The following BMPR1B variants were observed in gnomAD, a reference collection of about 807,000 sequenced individuals.
BMPR1B encodes the protein bone morphogenetic protein receptor type 1B.
In BMPR1B, 12 loss-of-function variants were observed where a neutral mutation model predicts 59.1. That is an observed-to-expected ratio of 0.20 (90% CI 0.13 to 0.33). The LOEUF (loss-of-function observed/expected upper bound fraction) is 0.33. BMPR1B is among the 10% of genes least tolerant of loss of function. The pLI is 1.00. For synonymous variants in BMPR1B, 237 were observed against 207.3 expected (o/e 1.14, Z -1.23); for missense variants, 550 against 610.9 (o/e 0.90, Z 1.05).
intron 3 of BMPR1B, among the ~76,000 whole-genome samples, chr4:95,085,772 G>T (rs1212035283): frequency 6.6e-6 from 1 of 152,144 alleles, no homozygotes; most frequent in Admixed American, 6.5e-5. Flanking sequence ...AGCTTTTTCT[G>T]GGGCATGAGC....
At chr4:94,855,295 T>G (rs1725713074) in intron 1 of BMPR1B, among the ~76,000 whole-genome samples, 1 of 152,244 alleles carries the variant, frequency 6.6e-6, no homozygotes, top group South Asian at 2.1e-4. Flanking sequence ...GCATTATTAA[T>G]ATCTTCATTT....
intron 2 of BMPR1B, among the ~76,000 whole-genome samples, chr4:94,901,597 G>T (rs949293619): frequency 6.6e-6 from 1 of 151,964 alleles, no homozygotes; most frequent in Non-Finnish European, 1.5e-5. Flanking sequence ...GACTTAATCA[G>T]TTCAAAAGCT....
At chr4:94,759,715 C>T (rs1721683680) in intron 1 of BMPR1B, among the ~76,000 whole-genome samples, 1 of 152,146 alleles carries the variant, frequency 6.6e-6, no homozygotes, top group Non-Finnish European at 1.5e-5. Flanking sequence ...ATGAGACATG[C>T]CGGTGATCAA....
rs115256625 is a variant in BMPR1B at position 95,080,396 on chromosome 4, C to T, written c.-17-24012C>T. On this transcript the variant is annotated intron_variant, in intron 3 of 12. Transcript: ENST00000515059. ...GGATTACAGGTGTCCACAACCATGT[C>T]GGCTAATTTTTGTATTTTTAGTGGA... 4.9e-3 allele frequency among the ~76,000 whole-genome samples: 741 copies of T among 152,116 alleles called. 7 individuals are homozygous for T. The highest frequency in any genetic ancestry group is 0.017 in the African/African-American group (696 of 41,496).
chr4:94,787,641 G>A (rs1186828698), intron 1 of BMPR1B, among the ~76,000 whole-genome samples: 2 of 152,110 alleles, frequency 1.3e-5, no homozygotes, highest in South Asian at 4.1e-4. Context: ...GTTTAACCAC[G>A]TCTTTGGTTC....
chr4:94,933,017 C>T (rs761881321), intron 2 of BMPR1B, among the ~76,000 whole-genome samples: 27 of 151,992 alleles, frequency 1.8e-4, no homozygotes, highest in Non-Finnish European at 3.4e-4. Flanking sequence ...TGTTTTGTTC[C>T]ACTACCCAAA....
intron 4 of BMPR1B, among the ~76,000 whole-genome samples, chr4:95,113,446 G>A (rs1283670121): frequency 2.6e-5 from 4 of 152,190 alleles, no homozygotes; most frequent in African/African-American, 4.8e-5. Flanking sequence ...ATAGCAGCAT[G>A]CTGCTACCAC....
intron 3 of BMPR1B, among the ~76,000 whole-genome samples, chr4:95,034,641 T>TTATA (rs140594794): frequency 0.01 from 1,505 of 149,626 alleles, 16 homozygotes; most frequent in Middle Eastern, 0.014. Context: ...TATTCCATGT[T>TTATA]TATATATATA....
intron 2 of BMPR1B, among the ~76,000 whole-genome samples, chr4:94,907,136 A>G (rs1255841877): frequency 1.3e-5 from 2 of 152,052 alleles, no homozygotes; most frequent in East Asian, 1.9e-4. Flanking sequence ...GCTTTATCCT[A>G]GATGTGTTAC....
chr4:94,890,595 G>A (rs1727351830), intron 2 of BMPR1B, among the ~76,000 whole-genome samples: 1 of 152,060 alleles, frequency 6.6e-6, no homozygotes, highest in South Asian at 2.1e-4. Context: ...TAGAGTGGGT[G>A]GCTTAAACAA....
chr4:94,905,374 G>A (rs889925460), intron 2 of BMPR1B, among the ~76,000 whole-genome samples: 2 of 152,084 alleles, frequency 1.3e-5, no homozygotes, highest in African/African-American at 4.8e-5. Flanking sequence ...GATTACTAAT[G>A]CAAACAGTAA....
chr4:94,904,483 G>A (rs1196426430), intron 2 of BMPR1B, among the ~76,000 whole-genome samples: 1 of 151,896 alleles, frequency 6.6e-6, no homozygotes, highest in Non-Finnish European at 1.5e-5. Flanking sequence ...TTAAGTTATT[G>A]GTGAATATTA....
intron 3 of BMPR1B, among the ~76,000 whole-genome samples, chr4:95,086,166 T>A (rs1729559820): frequency 6.6e-6 from 1 of 152,220 alleles, no homozygotes; most frequent in Admixed American, 6.5e-5. Flanking sequence ...GGTGGAAAGA[T>A]TTTTCTAATC....
At chr4:94,766,223 T>C (rs1230625530) in intron 1 of BMPR1B, among the ~76,000 whole-genome samples, 1 of 152,168 alleles carries the variant, frequency 6.6e-6, no homozygotes, top group Non-Finnish European at 1.5e-5. Context: ...ATGGGACTTG[T>C]ATTTTTCCCT....
chr4:95,064,872 A>C (rs1404200644), intron 3 of BMPR1B, among the ~76,000 whole-genome samples: 1 of 152,106 alleles, frequency 6.6e-6, no homozygotes, highest in African/African-American at 2.4e-5. Flanking sequence ...AGATATAATA[A>C]AAAATGATCC....
At chr4:95,140,875 A>AGGAG (rs1734186992) in intron 10 of BMPR1B, among the ~76,000 whole-genome samples, 1 of 152,184 alleles carries the variant, frequency 6.6e-6, no homozygotes, top group Non-Finnish European at 1.5e-5. Context: ...ATATTATAGA[A>AGGAG]ACTTAGTTCT....
chr4:94,948,202 G>T (rs976974884), intron 2 of BMPR1B, among the ~76,000 whole-genome samples: 10 of 152,128 alleles, frequency 6.6e-5, no homozygotes, highest in African/African-American at 2.4e-4. Context: ...TCTAACTTTA[G>T]TTGTGTGCTT....
At chr4:94,804,017 T>C (rs959202287) in intron 1 of BMPR1B, among the ~76,000 whole-genome samples, 1 of 152,110 alleles carries the variant, frequency 6.6e-6, no homozygotes, top group African/African-American at 2.4e-5. Context: ...TAGCTGGGAC[T>C]ACAGGCACCC....
chr4:94,845,869 A>G (rs1296489716), intron 1 of BMPR1B, among the ~76,000 whole-genome samples: 3 of 152,172 alleles, frequency 2.0e-5, no homozygotes, highest in Non-Finnish European at 4.4e-5. Flanking sequence ...TTATTTTGGC[A>G]TAATAGAGAA....
Sources: allele counts gnomAD v4.1 joint callset (sites outside exome capture counted in the v4.1 genomes callset), GRCh38; gene constraint gnomAD v4.1.1; transcripts MANE v1.5; gene names NCBI Gene and HGNC (gene_info 2026-07-23, HGNC 2026-07-21).